TJP2: variants seen among roughly 807,000 people sequenced by gnomAD.
TJP2 encodes tight junction protein 2.
TJP2 carries 91 observed loss-of-function variants against 133.1 expected under a neutral mutation model. The observed-to-expected ratio is 0.68, with a 90% CI of 0.58 to 0.81. The LOEUF is 0.81. Among genes scored for constraint, TJP2 ranks in the 40% least tolerant of loss-of-function variants. The pLI is 0.00. For missense variants in TJP2, 1,541 were observed against 1,565.6 expected (o/e 0.98, Z 0.26); for synonymous variants, 592 against 583.4 (o/e 1.01, Z -0.21).
In TJP2 at chr9:69,163,296, G is replaced by A. The variant is rs1234407271; in HGVS notation, c.-10+11525G>A. 6.9e-5 allele frequency among the ~76,000 whole-genome samples: 3 copies of A among 43,664 alleles called. 1 individual carries two copies. The highest frequency in any genetic ancestry group is 1.3e-4 in the Non-Finnish European group (3 of 22,270). 28.6% of individuals were successfully genotyped at this position (43,664 alleles called of 152,430 possible). On this transcript the variant is annotated intron_variant, in intron 2 of 5. Coordinates refer to the TJP2 transcript ENST00000423935. ...CCCGCCTCGGCCTCCCAAAGTGCTGGGATTACAGGCGTGAGCCACCGCGCC... is the reference window on the plus strand; with the variant it reads ...CCCGCCTCGGCCTCCCAAAGTGCTGAGATTACAGGCGTGAGCCACCGCGCC...
In TJP2 at chr9:69,221,044, G is replaced by T; in HGVS notation, c.500G>T (p.Arg167Leu). 1 of 1,605,330 alleles carries T rather than the reference G, an allele frequency of 6.2e-7. No homozygotes were observed. Among genetic ancestry groups the T allele is most frequent in the Non-Finnish European group, 8.5e-7 (1 of 1,176,698 alleles). Residue 167 changes from arginine (R) to leucine (L), a missense_variant, in exon 5 of 23, where the codon CGC (arginine) becomes CTC (leucine). Arg to Leu is a moderately radical substitution (Grantham distance 102). Coordinates refer to ENST00000377245, the MANE Select transcript of TJP2 (RefSeq NM_004817.4). Reference protein sequence around the residue: ...ERSRLNSHGGRSRSWEDSPER... With the variant: ...ERSRLNSHGGLSRSWEDSPER... ...AGCCGGCTGAACAGCCATGGGGGGCGCAGCCGCAGCTGGGAGGACAGCCCG... is the reference window on the plus strand; with the variant it reads ...AGCCGGCTGAACAGCCATGGGGGGCTCAGCCGCAGCTGGGAGGACAGCCCG...
chr9:69,122,920 C>T (rs926676182), intron 1 of TJP2, among the ~76,000 whole-genome samples: 2 of 152,084 alleles, frequency 1.3e-5, no homozygotes, highest in African/African-American at 4.8e-5. Context: ...GGTGAGGAAC[C>T]TGTTATTCTA....
At chr9:69,228,459 A>G (rs527367004) in intron 9 of TJP2, among the ~76,000 whole-genome samples, 56 of 152,340 alleles carry the variant, frequency 3.7e-4, no homozygotes, top group East Asian at 1.2e-3. Flanking sequence ...CCTCAGCATC[A>G]TGCAGTATAT....
At chr9:69,249,313 T>G (rs1831155706) in intron 19 of TJP2, 62 bp from the exon 20 acceptor site, 1 of 1,554,748 alleles carries the variant, frequency 6.4e-7, no homozygotes, top group Admixed American at 1.9e-5. Flanking sequence ...TCCAAAGCAG[T>G]CGAGTGCTCT....
Position 69,174,281 on chromosome 9 carries a change from C to T in TJP2, c.-92C>T. ...CCGGCGGTTGGGCTGCGGGTCAGAG[C>T]ACTGTCCGGTGGTGCCCAGGAGGAG... On this transcript the variant is annotated 5_prime_UTR_variant, in exon 1 of 23. Transcript: ENST00000377245. The T allele has an allele frequency of 6.5e-7, 1 of 1,547,580 alleles. No homozygotes were observed. Among genetic ancestry groups the T allele is most frequent in the African/African-American group, 1.4e-5 (1 of 73,096 alleles).
chr9:69,165,848 G>A (rs1480751287), intron 2 of TJP2, among the ~76,000 whole-genome samples: 3 of 152,162 alleles, frequency 2.0e-5, no homozygotes, highest in African/African-American at 7.2e-5. Flanking sequence ...AAACTAGAAC[G>A]TGTGCCATAG....
intron 1 of TJP2, among the ~76,000 whole-genome samples, chr9:69,206,423 C>T (rs748590445): frequency 5.3e-5 from 8 of 152,044 alleles, no homozygotes; most frequent in East Asian, 1.9e-4. Flanking sequence ...AATTATTATC[C>T]CCTCTTCACT....
chr9:69,133,121 C>T (rs1198030584), intron 1 of TJP2, among the ~76,000 whole-genome samples: 1 of 152,128 alleles, frequency 6.6e-6, no homozygotes, highest in African/African-American at 2.4e-5. Flanking sequence ...GCCATCACAC[C>T]TGGCTAATTT....
upstream of TJP2, among the ~76,000 whole-genome samples, chr9:69,173,844 G>T (rs999082098): frequency 6.6e-6 from 1 of 152,200 alleles, no homozygotes; most frequent in African/African-American, 2.4e-5. Context: ...GGCCAGCAGC[G>T]CCCGGAGCTC....
chr9:69,174,281 C>G lies in TJP2; in HGVS notation c.-92C>G. ...CCGGCGGTTGGGCTGCGGGTCAGAG[C>G]ACTGTCCGGTGGTGCCCAGGAGGAG... On this transcript the variant is annotated 5_prime_UTR_variant, in exon 1 of 23. Transcript: ENST00000377245. The G allele has an allele frequency of 6.5e-7, 1 of 1,547,580 alleles. No homozygotes were observed. Among genetic ancestry groups the G allele is most frequent in the Non-Finnish European group, 8.7e-7 (1 of 1,145,342 alleles).
At chr9:69,147,880 CTT>C (rs1262904687) in intron 1 of TJP2, among the ~76,000 whole-genome samples, 1 of 151,584 alleles carries the variant, frequency 6.6e-6, no homozygotes, top group South Asian at 2.1e-4. Flanking sequence ...CTATAATACT[CTT>C]TGAGTTCTGT....
chr9:69,228,110 C>G lies in TJP2; in HGVS notation c.1449C>G (p.Pro483=), dbSNP rs754541422. The change falls in exon 9 of 23, where the codon CCC becomes CCG. Residue 483 remains proline, a synonymous_variant. Transcript: ENST00000377245. ...AGGAACCCAGATACCAAGAGGACCC[C>G]CCAGGTGAGCCATTAAGACCACTCA... ...TNKEPRYQED[P]PAPQPKAAPR... The G allele has an allele frequency of 5.0e-6, 8 of 1,603,958 alleles. No homozygotes were observed. The South Asian group carries it at 7.8e-5, about 16-fold the overall frequency.
At chr9:69,122,776 A>G (rs1587861245) in intron 1 of TJP2, among the ~76,000 whole-genome samples, 1 of 152,160 alleles carries the variant, frequency 6.6e-6, no homozygotes, top group Non-Finnish European at 1.5e-5. Context: ...GAGGTGGGCG[A>G]GTTCCGTAGG....
At chr9:69,122,827 G>T (rs74749405) in intron 1 of TJP2, among the ~76,000 whole-genome samples, 1 of 152,154 alleles carries the variant, frequency 6.6e-6, no homozygotes, top group East Asian at 1.9e-4. Flanking sequence ...GTTTCTGAAC[G>T]CATTTCCACA....
At chr9:69,180,934 C>G (rs1408816263) in intron 1 of TJP2, among the ~76,000 whole-genome samples, 1 of 152,130 alleles carries the variant, frequency 6.6e-6, no homozygotes, top group Admixed American at 6.5e-5. Context: ...ATCTTGGTAA[C>G]CCCAGAAGCT....
Position 69,254,403 on chromosome 9 carries a change from G to T in TJP2, c.*29G>T, listed in dbSNP as rs762134385. ...TCTGAGCACGGACTCTCCCAGGCCT[G>T]CCTGCATGGCATCAGACTAGCCACT... is the stretch of plus-strand genomic sequence containing the variant. On this transcript the variant is annotated 3_prime_UTR_variant, in exon 23 of 23. Transcript: ENST00000377245. 1 of 1,612,716 alleles carries T rather than the reference G, an allele frequency of 6.2e-7. No individual in the cohort carries two copies. Among genetic ancestry groups the T allele is most frequent in the African/African-American group, 1.3e-5 (1 of 74,916 alleles).
At chr9:69,248,523 C>T (rs1831095463) in intron 19 of TJP2, 1 of 1,291,668 alleles carries the variant, frequency 7.7e-7, no homozygotes, top group South Asian at 3.2e-5. Flanking sequence ...CCAGCGGAAC[C>T]TTCCTTCCCA....
At chr9:69,212,836 T>C (rs1352941925) in intron 2 of TJP2, among the ~76,000 whole-genome samples, 1 of 145,846 alleles carries the variant, frequency 6.9e-6, no homozygotes, top group Non-Finnish European at 1.5e-5. Flanking sequence ...TAGTGTATAC[T>C]CTTATCTCCA....
At chr9:69,249,957 T>C (rs992248466) in intron 20 of TJP2, among the ~76,000 whole-genome samples, 2 of 152,218 alleles carry the variant, frequency 1.3e-5, no homozygotes, top group African/African-American at 4.8e-5. Flanking sequence ...CTTATTTGTT[T>C]AATAAATCAT....
Sources: gnomAD v4.1 joint callset for allele counts (sites outside exome capture counted in the v4.1 genomes callset) on GRCh38, gnomAD v4.1.1 for gene constraint, MANE v1.5 for transcripts, NCBI Gene and HGNC (gene_info 2026-07-23, HGNC 2026-07-21) for gene names.